The following SLC8A1 variants were observed in gnomAD, a reference collection of about 807,000 sequenced individuals.
SLC8A1 encodes the protein solute carrier family 8 member A1, also known as sodium/calcium exchanger 1.
A neutral mutation model predicts 68.3 loss-of-function variants in SLC8A1; 18 were observed. That is an observed-to-expected ratio of 0.26 (90% CI 0.18 to 0.39). The LOEUF is 0.39. SLC8A1 is among the 10% of genes least tolerant of loss of function. SLC8A1 has a pLI of 1.00. For synonymous variants in SLC8A1, 475 were observed against 415.5 expected (o/e 1.14, Z -1.74); for missense variants, 985 against 1,156.7 (o/e 0.85, Z 2.15).
intron 2 of SLC8A1, among the ~76,000 whole-genome samples, chr2:40,257,944 A>C (rs1364406365): frequency 1.3e-5 from 2 of 152,232 alleles, no homozygotes; most frequent in Admixed American, 6.5e-5. Flanking sequence ...CGACAGGAGT[A>C]GAGTGAGGAG....
chr2:40,398,891 G>C (rs1687830238), intron 2 of SLC8A1, among the ~76,000 whole-genome samples: 2 of 152,138 alleles, frequency 1.3e-5, no homozygotes, highest in African/African-American at 4.8e-5. Context: ...AGATTCTGAT[G>C]TTTGCAAAAT....
At chr2:40,224,285 G>C (rs189469877) in intron 2 of SLC8A1, among the ~76,000 whole-genome samples, 1 of 152,158 alleles carries the variant, frequency 6.6e-6, no homozygotes. Flanking sequence ...CGATTAAAAG[G>C]CTTCAGGAGG....
intron 2 of SLC8A1, among the ~76,000 whole-genome samples, chr2:40,373,634 C>T (rs539834545): frequency 2.6e-5 from 4 of 152,080 alleles, no homozygotes; most frequent in South Asian, 2.1e-4. Flanking sequence ...CTAATTTACA[C>T]ATAAGGAAAT....
intron 2 of SLC8A1, among the ~76,000 whole-genome samples, chr2:40,342,062 T>C (rs1405782706): frequency 6.6e-6 from 1 of 152,120 alleles, no homozygotes; most frequent in African/African-American, 2.4e-5. Context: ...GTGTATTTTG[T>C]TTGATTCACT....
intron 2 of SLC8A1, among the ~76,000 whole-genome samples, chr2:40,324,036 G>T (rs185859064): frequency 6.6e-5 from 10 of 151,286 alleles, no homozygotes; most frequent in Non-Finnish European, 8.8e-5. Flanking sequence ...GGTGGGGGGG[G>T]GGCTGTTAAC....
intron 1 of SLC8A1, among the ~76,000 whole-genome samples, chr2:40,499,517 A>T (rs1705916759): frequency 2.0e-5 from 3 of 152,044 alleles, no homozygotes; most frequent in African/African-American, 7.2e-5. Context: ...AATTAGAGAG[A>T]TATTCTTCAA....
intron 2 of SLC8A1, among the ~76,000 whole-genome samples, chr2:40,221,603 C>T (rs1159478983): frequency 6.6e-6 from 1 of 152,160 alleles, no homozygotes; most frequent in Non-Finnish European, 1.5e-5. Flanking sequence ...TCTCTGTTTG[C>T]AGATGACATG....
At chr2:40,245,102 T>C (rs758565968) in intron 2 of SLC8A1, among the ~76,000 whole-genome samples, 2 of 152,164 alleles carry the variant, frequency 1.3e-5, no homozygotes, top group African/African-American at 4.8e-5. Context: ...ATGTACCATA[T>C]GTGATAGCCA....
intron 1 of SLC8A1, among the ~76,000 whole-genome samples, chr2:40,505,176 A>T (rs1263952851): frequency 6.6e-6 from 1 of 151,884 alleles, no homozygotes; most frequent in Non-Finnish European, 1.5e-5. Flanking sequence ...TAGAGAATAG[A>T]AGGATGGTTA....
chr2:40,353,537 T>G (rs1043541433), intron 2 of SLC8A1, among the ~76,000 whole-genome samples: 1 of 152,056 alleles, frequency 6.6e-6, no homozygotes, highest in African/African-American at 2.4e-5. Context: ...AAGTCCAACA[T>G]TCTAATATTA....
chr2:40,127,540 G>T (rs1168658441), intron 7 of SLC8A1, among the ~76,000 whole-genome samples: 2 of 152,116 alleles, frequency 1.3e-5, no homozygotes, highest in Non-Finnish European at 2.9e-5. Context: ...CATAGTTGTG[G>T]TTACCTGCTT....
At chr2:40,102,085 T>C (rs1204580205) in exon 8 of SLC8A1, 3 of 152,182 alleles carry the variant, frequency 2.0e-5, no homozygotes, top group African/African-American at 7.2e-5. Context: ...GGACAGATTA[T>C]ATTTGTGCTA....
exon 2 of SLC8A1, chr2:40,429,656 C>T: frequency 6.2e-7 from 1 of 1,613,788 alleles, no homozygotes; most frequent in South Asian, 1.1e-5. Flanking sequence ...ATGCTCCAGG[C>T]TGCTGTCACA....
chr2:40,230,605 A>G (rs1157683796), intron 2 of SLC8A1, among the ~76,000 whole-genome samples: 1 of 152,216 alleles, frequency 6.6e-6, no homozygotes, highest in Non-Finnish European at 1.5e-5. Flanking sequence ...AAGAATAAAA[A>G]TGCTACTATG....
chr2:40,432,908 T>A (rs567167659), intron 1 of SLC8A1, among the ~76,000 whole-genome samples: 1 of 152,216 alleles, frequency 6.6e-6, no homozygotes, highest in East Asian at 1.9e-4. Flanking sequence ...TTGGCAGGTA[T>A]ACAAAATGGT....
intron 2 of SLC8A1, among the ~76,000 whole-genome samples, chr2:40,186,755 T>C (rs1000373522): frequency 7.9e-5 from 12 of 152,198 alleles, no homozygotes; most frequent in Non-Finnish European, 1.2e-4. Context: ...GGGTCACTTC[T>C]GGCATCCTTC....
intron 1 of SLC8A1, among the ~76,000 whole-genome samples, chr2:40,487,433 A>G (rs1389824096): frequency 6.6e-6 from 1 of 152,184 alleles, no homozygotes; most frequent in African/African-American, 2.4e-5. Context: ...AAATTCTACA[A>G]TTAAGACAGA....
At chr2:40,458,284 G>A (rs1703140398) in intron 1 of SLC8A1, among the ~76,000 whole-genome samples, 1 of 152,150 alleles carries the variant, frequency 6.6e-6, no homozygotes, top group Admixed American at 6.5e-5. Context: ...GAGTCCCTAA[G>A]GGGCAGGTAA....
At chr2:40,213,001 G>C (rs539210500) in intron 2 of SLC8A1, 14 of 152,348 alleles carry the variant, frequency 9.2e-5, no homozygotes, top group African/African-American at 3.4e-4. Flanking sequence ...ATTTGTGGAG[G>C]TGACATCATC....
Sources: allele counts gnomAD v4.1 joint callset (sites outside exome capture counted in the v4.1 genomes callset), GRCh38; gene constraint gnomAD v4.1.1; transcripts MANE v1.5; gene names NCBI Gene and HGNC (gene_info 2026-07-23, HGNC 2026-07-21).